Variants in SI observed in about 807,000 individuals in gnomAD.
The protein encoded by SI is sucrase-isomaltase, also known as sucrase-isomaltase, intestinal.
In SI, 235 loss-of-function variants were observed where a neutral mutation model predicts 253.3. That is an observed-to-expected ratio of 0.93 (90% CI 0.83 to 1.03). The LOEUF (loss-of-function observed/expected upper bound fraction) is 1.03, where lower values mean the gene tolerates loss of function less well. SI is among the 50% of genes least tolerant of loss of function. SI has a pLI of 0.00. For missense variants in SI, 2,442 were observed against 2,211.1 expected (o/e 1.10, Z -2.09); for synonymous variants, 819 against 712.0 (o/e 1.15, Z -2.39).
At chr3:164,998,193 T>G (rs1718102999) in intron 38 of SI, among the ~76,000 whole-genome samples, 1 of 151,842 alleles carries the variant, frequency 6.6e-6, no homozygotes, top group African/African-American at 2.4e-5. Flanking sequence ...GCATCTGTTA[T>G]TTTTTGACTT....
At chr3:165,010,245 T>C (rs972614228) in intron 34 of SI, among the ~76,000 whole-genome samples, 5 of 152,090 alleles carry the variant, frequency 3.3e-5, no homozygotes, top group Non-Finnish European at 7.4e-5. Context: ...CTGCAACCTC[T>C]GTCTCCCAGG....
At position 165,074,625 on chromosome 3, in the gene SI, G is replaced by T; in HGVS notation, c.161C>A (p.Thr54Asn). 6.2e-7 allele frequency: 1 copy of T among 1,610,716 alleles called. No homozygotes were observed. Among genetic ancestry groups the T allele is most frequent in the Non-Finnish European group, 8.5e-7 (1 of 1,177,616 alleles). ...STSTPATTRV[T>N]TNPSDSGKCP... ...TTTTCCTGAATCAGAAGGATTTGTAGTCACACGAGTAGTAGCTGGAGTTGA... is the reference window on the plus strand; with the variant it reads ...TTTTCCTGAATCAGAAGGATTTGTATTCACACGAGTAGTAGCTGGAGTTGA... Residue 54 changes from threonine (T) to asparagine (N), a missense_variant, in exon 3 of 48, where the codon ACT becomes AAT. By Grantham distance (65) the Thr-to-Asn change is moderately conservative (BLOSUM62 0). Coordinates refer to ENST00000264382, the MANE Select transcript of SI (RefSeq NM_001041.4).
In SI at chr3:165,038,566, A is replaced by AT. The variant is rs67742714; in HGVS notation, c.2301+511_2301+512insA. Among the ~76,000 whole-genome samples the AT allele has an allele frequency of 2.7e-3, 415 of 151,530 alleles. 7 individuals are homozygous for AT. Among genetic ancestry groups the AT allele is most frequent in the Middle Eastern group, 0.02 (6 of 294 alleles). Reference sequence around the variant, plus strand: ...CTACTAAAAAAAAATTCAAAAAAAAAAAATAAATAAATATTGCTCAAAAGG... The same window carrying AT: ...CTACTAAAAAAAAATTCAAAAAAAAATAAATAAATAAATATTGCTCAAAAGG... On this transcript the variant is annotated intron_variant, in intron 20 of 47. Transcript: ENST00000264382.
intron 35 of SI, 124 bp from the exon 36 acceptor site, chr3:165,008,122 C>T (rs948757490): frequency 2.7e-5 from 14 of 512,922 alleles, no homozygotes; most frequent in Non-Finnish European, 5.0e-5. Context: ...ACTCACTATT[C>T]TAAACAAACA....
At chr3:165,030,979 A>T in intron 24 of SI, 112 bp from the exon 25 acceptor site, 1 of 1,406,026 alleles carries the variant, frequency 7.1e-7, no homozygotes, top group Non-Finnish European at 9.4e-7. Flanking sequence ...TTTACATTTC[A>T]CAAAATGTGG....
At chr3:165,084,814 A>C in the SI span, among the ~76,000 whole-genome samples, 4 of 152,110 alleles carry the variant, frequency 2.6e-5, no homozygotes, top group East Asian at 7.7e-4. Flanking sequence ...TAAACAGGAC[A>C]TGATTTCTCT....
Position 165,023,469 on chromosome 3 carries a change from TTAA to T in SI, c.3099+98_3099+100del, listed in dbSNP as rs528208978. 2,812 of 846,360 alleles carry T rather than the reference TTAA, an allele frequency of 3.3e-3. 13 individuals carry two copies. Among genetic ancestry groups the T allele is most frequent in the Middle Eastern group, 9.7e-3 (28 of 2,884 alleles). 52.4% of individuals were successfully genotyped at this position (846,360 alleles called of 1,614,324 possible). A position where few individuals can be genotyped will look rare whatever the true frequency, so the allele number is the denominator to read the frequency against. On this transcript the variant is annotated intron_variant, in intron 26 of 47. Transcript: ENST00000264382. The stretch of plus-strand genomic sequence containing the variant: ...TAAAATCAAAATATTATCAAATCTG[TTAA>T]TAACCTTTAATATTACATTAAATAT...
intron 9 of SI, among the ~76,000 whole-genome samples, 170 bp downstream of exon 9, chr3:165,062,201 G>A (rs909692755): frequency 2.6e-5 from 4 of 151,288 alleles, no homozygotes; most frequent in Non-Finnish European, 4.4e-5. Context: ...AGAGTTCATT[G>A]TATAGGGGAA....
intron 47 of SI, 52 bp from the exon 48 acceptor site, chr3:164,979,482 A>T (rs778940143): frequency 1.0e-6 from 1 of 988,554 alleles, no homozygotes; most frequent in African/African-American, 1.6e-5. Context: ...CATTTTTCTT[A>T]TTTTCATGAA....
chr3:165,006,726 G>A, intron 37 of SI, 90 bp downstream of exon 37: 2 of 1,126,048 alleles, frequency 1.8e-6, no homozygotes, highest in Admixed American at 1.8e-5. Context: ...AGATACAAGA[G>A]AAGATTGTCG....
At chr3:165,034,407 T>C (rs1712414794) in intron 22 of SI, among the ~76,000 whole-genome samples, 1 of 151,976 alleles carries the variant, frequency 6.6e-6, no homozygotes, top group Admixed American at 6.6e-5. Context: ...AATAATCTTA[T>C]AATTGCTCCA....
At chr3:164,981,719 C>A (rs1004287873) in intron 47 of SI, among the ~76,000 whole-genome samples, 17 of 151,946 alleles carry the variant, frequency 1.1e-4, no homozygotes, top group African/African-American at 4.1e-4. Flanking sequence ...TTTTTCTATT[C>A]AATTGGATAG....
At chr3:165,079,774 A>G (rs114744000), upstream of SI, among the ~76,000 whole-genome samples, 63 of 151,954 alleles carry the variant, frequency 4.1e-4, no homozygotes, top group African/African-American at 1.5e-3. Flanking sequence ...AAGAATTGGA[A>G]ACTGAAACTA....
chr3:165,070,540 A>G (rs1714508972), intron 3 of SI, among the ~76,000 whole-genome samples: 1 of 151,424 alleles, frequency 6.6e-6, no homozygotes, highest in Admixed American at 6.6e-5. Flanking sequence ...AGAAATACCT[A>G]GCAATACAAA....
chr3:165,075,739 T>G (rs1387060858), intron 2 of SI, among the ~76,000 whole-genome samples, 156 bp downstream of exon 2: 1 of 151,962 alleles, frequency 6.6e-6, no homozygotes, highest in Non-Finnish European at 1.5e-5. Context: ...TGGAATATAA[T>G]GAATAGAAAA....
At chr3:164,987,542 C>T (rs1410864898) in intron 44 of SI, among the ~76,000 whole-genome samples, 1 of 152,120 alleles carries the variant, frequency 6.6e-6, no homozygotes, top group Non-Finnish European at 1.5e-5. Flanking sequence ...AACTCCGTCT[C>T]TACTAAAGTA....
At chr3:165,042,735 A>G (rs1198566132) in intron 17 of SI, among the ~76,000 whole-genome samples, 3 of 152,124 alleles carry the variant, frequency 2.0e-5, no homozygotes, top group Non-Finnish European at 4.4e-5. Flanking sequence ...ACATTGTTAG[A>G]ATCCAAGAAT....
At chr3:165,002,442 C>A (rs756690070) in intron 37 of SI, among the ~76,000 whole-genome samples, 1 of 151,612 alleles carries the variant, frequency 6.6e-6, no homozygotes, top group Non-Finnish European at 1.5e-5. Flanking sequence ...GCTATTCTTT[C>A]GTTGCTTCTT....
chr3:165,063,593 A>T, intron 7 of SI, 52 bp from the exon 8 acceptor site: 2 of 800,136 alleles, frequency 2.5e-6, no homozygotes, highest in Non-Finnish European at 4.3e-6. Context: ...TAAAACACAA[A>T]AAGATTATAT....
Sources: allele counts gnomAD v4.1 joint callset (sites outside exome capture counted in the v4.1 genomes callset), GRCh38; gene constraint gnomAD v4.1.1; transcripts MANE v1.5; gene names NCBI Gene and HGNC (gene_info 2026-07-23, HGNC 2026-07-21).